CFAP20DC: variants seen among roughly 807,000 people sequenced by gnomAD.
CFAP20DC encodes CFAP20 domain containing, also known as protein CFAP20DC.
CFAP20DC carries 84 observed loss-of-function variants against 101.7 expected under a neutral mutation model. That is an observed-to-expected ratio of 0.83 (90% CI 0.69 to 0.99). CFAP20DC has a LOEUF of 0.99. CFAP20DC is among the 50% of genes least tolerant of loss of function. The pLI is 0.00. For synonymous variants in CFAP20DC, 359 were observed against 351.2 expected (o/e 1.02, Z -0.25); for missense variants, 1,007 against 970.3 (o/e 1.04, Z -0.50).
intron 15 of CFAP20DC, among the ~76,000 whole-genome samples, chr3:58,802,859 C>T (rs1354995381): frequency 1.3e-5 from 2 of 151,708 alleles, no homozygotes; most frequent in Admixed American, 1.3e-4. Context: ...TAATCCTGCA[C>T]ACAAAAAATT....
chr3:58,900,931 T>A (rs1184060405), intron 6 of CFAP20DC, among the ~76,000 whole-genome samples: 3 of 152,188 alleles, frequency 2.0e-5, no homozygotes. Context: ...GTAAAGCACT[T>A]TATGTATTAA....
chr3:58,900,697 A>G (rs1189792003), intron 6 of CFAP20DC, among the ~76,000 whole-genome samples: 1 of 152,236 alleles, frequency 6.6e-6, no homozygotes, highest in Non-Finnish European at 1.5e-5. Flanking sequence ...GAGAAAGCTG[A>G]CAGCTCATGC....
chr3:58,806,784 C>T (rs912286204), intron 14 of CFAP20DC, among the ~76,000 whole-genome samples: 14 of 152,326 alleles, frequency 9.2e-5, no homozygotes, highest in East Asian at 3.9e-4. Flanking sequence ...ACTCGGGAAG[C>T]GCAAGGGATC....
At chr3:58,956,910 C>T (rs371374815) in intron 4 of CFAP20DC, among the ~76,000 whole-genome samples, 96 of 152,088 alleles carry the variant, frequency 6.3e-4, no homozygotes, top group African/African-American at 2.1e-3. Flanking sequence ...CTCACTATCA[C>T]GAGAATATGA....
At chr3:58,890,205 G>A (rs1336929547) in intron 6 of CFAP20DC, among the ~76,000 whole-genome samples, 1 of 147,324 alleles carries the variant, frequency 6.8e-6, no homozygotes, top group Non-Finnish European at 1.5e-5. Context: ...CTCCCTCCCG[G>A]ACGGGGCGGC....
rs1249121092 is a variant in CFAP20DC, at chr3:58,859,373, A to T, written c.1593+4185T>A. 6.6e-6 allele frequency among the ~76,000 whole-genome samples: 1 copy of T among 152,218 alleles called. No individual in the cohort carries two copies. On this transcript the variant is annotated intron_variant, in intron 12 of 16. Transcript: ENST00000482387. The surrounding 1 kb of genome is among the most constrained non-coding windows in gnomAD (Gnocchi z 4.1). ...TCAAGGCAAAACATATTTTTCTATA[A>T]GTTAGACTTCATGTTCTTTTAACTG...
At chr3:58,781,030 T>C (rs1385867371) in intron 15 of CFAP20DC, among the ~76,000 whole-genome samples, 1 of 151,972 alleles carries the variant, frequency 6.6e-6, no homozygotes, top group Non-Finnish European at 1.5e-5. Context: ...ATAGAATATA[T>C]ATTAGAATAT....
At chr3:58,735,881 C>T (rs560817852) in intron 3 of CFAP20DC, among the ~76,000 whole-genome samples, 7 of 152,210 alleles carry the variant, frequency 4.6e-5, no homozygotes, top group African/African-American at 9.6e-5. Flanking sequence ...TGACCACAGC[C>T]GATTATAACA....
At chr3:58,934,813 G>A (rs1002513122) in intron 5 of CFAP20DC, among the ~76,000 whole-genome samples, 338 of 152,226 alleles carry the variant, frequency 2.2e-3, no homozygotes, top group African/African-American at 7.9e-3. Context: ...CACAGCCAAT[G>A]TCATACTGAA....
chr3:58,984,840 T>C (rs1325569493), intron 4 of CFAP20DC, among the ~76,000 whole-genome samples: 1 of 152,186 alleles, frequency 6.6e-6, no homozygotes, highest in Non-Finnish European at 1.5e-5. Flanking sequence ...TACAGAGTTT[T>C]GTGAGAGTTA....
At chr3:59,005,968 A>G (rs545697640) in intron 4 of CFAP20DC, among the ~76,000 whole-genome samples, 2 of 152,300 alleles carry the variant, frequency 1.3e-5, no homozygotes, top group African/African-American at 4.8e-5. Context: ...AGCTAAAACT[A>G]ACACCTTATA....
rs1181207324 is a variant in CFAP20DC, at chr3:58,806,413, G to A, written c.2219C>T (p.Pro740Leu). ...TTCTTACCGGGGATTAGAAGGAGAA[G>A]GTGGGTTCATTTCTTTCTGATAGTG... is the stretch of plus-strand genomic sequence containing the variant. ...GRHYQKEMNP[P>L]SPSNPRDWLN... Residue 740 changes from proline to leucine, a missense_variant, in exon 15 of 17, where the codon CCT (proline) becomes CTT (leucine). Physicochemically the swap from Pro to Leu is moderately conservative, Grantham distance 98 (BLOSUM62 -3). Transcript: ENST00000482387. The A allele has an allele frequency of 1.2e-6, 2 of 1,608,054 alleles. No individual in the cohort carries two copies. Among genetic ancestry groups the A allele is most frequent in the African/African-American group, 1.3e-5 (1 of 74,700 alleles).
In CFAP20DC at chr3:58,799,263, G is replaced by A. The variant is rs752830389; in HGVS notation, c.2237+7132C>T. On this transcript the variant is annotated intron_variant, in intron 15 of 16. Transcript: ENST00000482387. The surrounding 1 kb of genome is among the most constrained non-coding windows in gnomAD (Gnocchi z 4.9). ...GGCCCATACAAATAAGCAACTGCCA[G>A]TAAGAATACAGGGCGAACACACTAA... Among the ~76,000 whole-genome samples, 9 of 152,146 alleles carry A rather than the reference G, an allele frequency of 5.9e-5. No individual in the cohort carries two copies. The highest frequency in any genetic ancestry group is 1.2e-4 in the Non-Finnish European group (8 of 68,036).
intron 3 of CFAP20DC, among the ~76,000 whole-genome samples, chr3:59,042,465 A>G (rs982227483): frequency 2.0e-5 from 3 of 152,046 alleles, no homozygotes; most frequent in Non-Finnish European, 4.4e-5. Flanking sequence ...TAGAGGGTAC[A>G]GTCTGTGCAT....
At chr3:58,932,352 G>A (rs919160503) in intron 5 of CFAP20DC, among the ~76,000 whole-genome samples, 3 of 152,180 alleles carry the variant, frequency 2.0e-5, no homozygotes, top group Non-Finnish European at 4.4e-5. Flanking sequence ...ACACTCTGCA[G>A]GATATTATCC....
At chr3:58,888,956 C>T (rs1186856829) in intron 6 of CFAP20DC, among the ~76,000 whole-genome samples, 1 of 151,094 alleles carries the variant, frequency 6.6e-6, no homozygotes, top group Non-Finnish European at 1.5e-5. Flanking sequence ...AAAATCATTC[C>T]GTTTTTCTCC....
intron 4 of CFAP20DC, among the ~76,000 whole-genome samples, chr3:58,979,600 C>T (rs73840023): frequency 0.021 from 3,190 of 152,206 alleles, 103 homozygotes; most frequent in African/African-American, 0.072. Context: ...ACTCTGCTTC[C>T]GGTCTGGTAT....
chr3:58,999,080 G>C (rs1228091116), intron 4 of CFAP20DC, among the ~76,000 whole-genome samples: 1 of 152,206 alleles, frequency 6.6e-6, no homozygotes, highest in East Asian at 1.9e-4. Context: ...GAGATCCAGT[G>C]ATGCTAGAGG....
At chr3:58,904,117 AT>A in intron 6 of CFAP20DC, among the ~76,000 whole-genome samples, 1 of 152,180 alleles carries the variant, frequency 6.6e-6, no homozygotes, top group East Asian at 1.9e-4. Context: ...TGCATGTGAG[AT>A]GTCTTTCCAT....
Sources: allele counts gnomAD v4.1 joint callset (sites outside exome capture counted in the v4.1 genomes callset), GRCh38; gene constraint gnomAD v4.1.1; non-coding constraint Gnocchi (gnomAD v3.1); transcripts MANE v1.5; gene names NCBI Gene and HGNC (gene_info 2026-07-23, HGNC 2026-07-21).